PRICKLE2: variants seen among roughly 807,000 people sequenced by gnomAD.
The protein encoded by PRICKLE2 is prickle-like protein 2.
In PRICKLE2, 21 loss-of-function variants were observed where a neutral mutation model predicts 81.4. The ratio of observed to expected loss-of-function variants is 0.26; its 90% confidence interval spans 0.18 to 0.37. The LOEUF is 0.37. Ranked by LOEUF, PRICKLE2 falls within the 10% of genes least tolerant of loss-of-function variation. The pLI, the probability that PRICKLE2 is intolerant of heterozygous loss-of-function variation, is 1.00. For missense variants in PRICKLE2, 940 were observed against 1,109.0 expected (o/e 0.85, Z 2.16); for synonymous variants, 456 against 421.5 (o/e 1.08, Z -1.00).
intron 7 of PRICKLE2, among the ~76,000 whole-genome samples, chr3:64,136,666 C>T (rs563936621): frequency 1.3e-5 from 2 of 152,006 alleles, no homozygotes; most frequent in East Asian, 1.9e-4. Context: ...AGGTGATGGT[C>T]GGTGCAGAAT....
chr3:64,132,564 C>G (rs1394112092), intron 7 of PRICKLE2, among the ~76,000 whole-genome samples: 1 of 152,238 alleles, frequency 6.6e-6, no homozygotes, highest in Non-Finnish European at 1.5e-5. Flanking sequence ...CACTGGGCAA[C>G]TAGCAGAGTG....
chr3:64,150,226 C>T (rs1003948500), intron 6 of PRICKLE2, among the ~76,000 whole-genome samples: 3 of 152,012 alleles, frequency 2.0e-5, no homozygotes, highest in African/African-American at 7.2e-5. Context: ...CCCACAGCAG[C>T]TGGTTGTAAA....
Position 64,096,383 on chromosome 3 carries a change from T to C in PRICKLE2, c.*2668A>G, listed in dbSNP as rs1418260909. On this transcript the variant is annotated 3_prime_UTR_variant, in exon 8 of 8. Coordinates refer to ENST00000638394, the MANE Select transcript of PRICKLE2 (RefSeq NM_198859.4). ...AGGAAATAATGCATTGGGAGTGGGATTCTGGGATGTGATGTGTGAGCTATC... is the reference window on the plus strand; with the variant it reads ...AGGAAATAATGCATTGGGAGTGGGACTCTGGGATGTGATGTGTGAGCTATC... 6.6e-6 allele frequency: 1 copy of C among 152,124 alleles called. No individual in the cohort carries two copies. The highest frequency in any genetic ancestry group is 1.5e-5 in the Non-Finnish European group (1 of 68,010). 9.4% of individuals were successfully genotyped at this position (152,124 alleles called of 1,614,324 possible).
chr3:64,222,142 C>A (rs1273785972), intron 1 of PRICKLE2, among the ~76,000 whole-genome samples: 2 of 152,196 alleles, frequency 1.3e-5, no homozygotes, highest in African/African-American at 4.8e-5. Flanking sequence ...ATCTTCACAG[C>A]AATCCCATGC....
intron 7 of PRICKLE2, chr3:64,146,003 C>G (rs1414824627): frequency 6.6e-6 from 1 of 152,054 alleles, no homozygotes; most frequent in East Asian, 1.9e-4. Flanking sequence ...AACATTCAGA[C>G]CATAGTATTT....
intron 7 of PRICKLE2, among the ~76,000 whole-genome samples, chr3:64,126,673 G>A (rs999959670): frequency 2.1e-4 from 32 of 152,150 alleles, no homozygotes; most frequent in African/African-American, 6.8e-4. Flanking sequence ...CGCCTCCCAG[G>A]TACAAGCTAT....
chr3:64,249,869 T>C (rs1397762488), intron 2 of PRICKLE2, among the ~76,000 whole-genome samples: 1 of 152,222 alleles, frequency 6.6e-6, no homozygotes, highest in Non-Finnish European at 1.5e-5. Context: ...TGTTTTTTAC[T>C]AGAGAGCATG....
Position 64,147,426 on chromosome 3 carries a change from T to C in PRICKLE2, c.1064A>G (p.His355Arg). ...GTTAGAACTCACTTGCAGCTGGCTG[T>C]GCTGGTTCAGCATGGGCTCCTCCGT... ...GKTEEPMLNQ[H>R]SQLQVSSNRL... The change falls in exon 7 of 8, where the codon CAC becomes CGC. Residue 355 changes from histidine (H) to arginine (R), a missense_variant. By Grantham distance (29) the His-to-Arg change is conservative. Transcript: ENST00000638394. This position sits in a 1 kb window ranked among gnomAD's most constrained non-coding sequence, Gnocchi z 5.0. 5.0e-6 allele frequency: 8 copies of C among 1,614,258 alleles called. No homozygotes were observed. Among genetic ancestry groups the C allele is most frequent in the Non-Finnish European group, 6.8e-6 (8 of 1,180,046 alleles).
Position 64,147,254 on chromosome 3 carries a change from G to A in PRICKLE2, c.1236C>T (p.Thr412=). 6.2e-7 allele frequency: 1 copy of A among 1,609,742 alleles called. No homozygotes were observed. The highest frequency in any genetic ancestry group is 8.5e-7 in the Non-Finnish European group (1 of 1,177,026). Residue 412 remains threonine, a synonymous_variant, in exon 7 of 8, where the codon ACC becomes ACT. Coordinates refer to ENST00000638394, the MANE Select transcript of PRICKLE2 (RefSeq NM_198859.4). This position sits in a 1 kb window ranked among gnomAD's most constrained non-coding sequence, Gnocchi z 5.0. ...GGCTGAGGAGCTGCAGAGGGCTCTG[G>A]GTCTGGTTCTGCTCCATCTTGTTCC... The part of the protein sequence containing the change: ...HYGNKMEQNQ[T]QSPLQLLSQC...
chr3:64,190,548 T>C (rs2078314662), intron 2 of PRICKLE2, among the ~76,000 whole-genome samples: 1 of 152,224 alleles, frequency 6.6e-6, no homozygotes, highest in Non-Finnish European at 1.5e-5. Context: ...TGACACATAG[T>C]AGGTATAAAA....
At chr3:64,114,231 C>G (rs2076898801) in intron 7 of PRICKLE2, among the ~76,000 whole-genome samples, 1 of 151,874 alleles carries the variant, frequency 6.6e-6, no homozygotes, top group African/African-American at 2.4e-5. Flanking sequence ...GGTCAGCAAC[C>G]TCAAAGATTG....
chr3:64,189,851 A>G (rs534488026), intron 2 of PRICKLE2, among the ~76,000 whole-genome samples: 29 of 152,328 alleles, frequency 1.9e-4, no homozygotes, highest in African/African-American at 5.1e-4. Context: ...TCTGTAGTCA[A>G]ATGGGGGCTC....
intron 2 of PRICKLE2, among the ~76,000 whole-genome samples, chr3:64,266,204 A>G (rs1476471599): frequency 6.6e-6 from 1 of 150,626 alleles, no homozygotes; most frequent in Non-Finnish European, 1.5e-5. Context: ...CGCAAAAGAA[A>G]AAAAAAAAAG....
At chr3:64,174,663 T>G (rs1295674125) in intron 2 of PRICKLE2, 3 of 201,254 alleles carry the variant, frequency 1.5e-5, no homozygotes, top group African/African-American at 7.1e-5. Context: ...GGGGAAATGT[T>G]TGGTGCTTTT....
intron 2 of PRICKLE2, among the ~76,000 whole-genome samples, chr3:64,240,230 G>A (rs1048216866): frequency 6.6e-6 from 1 of 152,126 alleles, no homozygotes; most frequent in Non-Finnish European, 1.5e-5. Flanking sequence ...GTTACATGGG[G>A]AGGCCATGAG....
At chr3:64,189,177 G>A (rs1375210208) in intron 2 of PRICKLE2, among the ~76,000 whole-genome samples, 1 of 152,192 alleles carries the variant, frequency 6.6e-6, no homozygotes, top group Non-Finnish European at 1.5e-5. Flanking sequence ...CCTGGAGGAA[G>A]TACAGTAAAG....
chr3:64,192,619 CA>C (rs1292656376), intron 2 of PRICKLE2, among the ~76,000 whole-genome samples: 1 of 152,156 alleles, frequency 6.6e-6, no homozygotes, highest in African/African-American at 2.4e-5. Flanking sequence ...GGCTCAAATC[CA>C]ACTAATTCAC....
intron 2 of PRICKLE2, among the ~76,000 whole-genome samples, chr3:64,181,778 TA>T: frequency 6.6e-6 from 1 of 152,196 alleles, no homozygotes. Context: ...GATTTTGTTT[TA>T]AAGAGAAACT....
At chr3:64,131,345 C>A (rs549669131) in intron 7 of PRICKLE2, among the ~76,000 whole-genome samples, 2 of 152,336 alleles carry the variant, frequency 1.3e-5, no homozygotes, top group South Asian at 4.1e-4. Context: ...CCTTCTGTAA[C>A]TGTGGCAACA....
Sources: gnomAD v4.1 joint callset for allele counts (sites outside exome capture counted in the v4.1 genomes callset) on GRCh38, gnomAD v4.1.1 for gene constraint, Gnocchi (gnomAD v3.1) non-coding constraint, MANE v1.5 for transcripts, NCBI Gene and HGNC (gene_info 2026-07-23, HGNC 2026-07-21) for gene names.